NDC80: variants seen among roughly 807,000 people sequenced by gnomAD.
NDC80 encodes NDC80 kinetochore complex component, also known as kinetochore protein NDC80 homolog.
A neutral mutation model predicts 89.3 loss-of-function variants in NDC80; 69 were observed. The ratio of observed to expected loss-of-function variants is 0.77; its 90% CI spans 0.64 to 0.94. The LOEUF is 0.94. Ranked by LOEUF, NDC80 falls within the 40% of genes least tolerant of loss-of-function variation. The pLI, the probability that NDC80 is intolerant of heterozygous loss-of-function variation, is 0.00. For synonymous variants in NDC80, 243 were observed against 255.6 expected (o/e 0.95, Z 0.47); for missense variants, 593 against 739.6 (o/e 0.80, Z 2.30).
chr18:2,608,563 A>T, intron 14 of NDC80, 137 bp from the exon 15 acceptor site: 2 of 922,738 alleles, frequency 2.2e-6, no homozygotes, highest in Non-Finnish European at 3.1e-6. Context: ...TCTTGCATGT[A>T]AAACAGTAAG....
chr18:2,597,170 T>TAAA (rs1362932115), intron 11 of NDC80, among the ~76,000 whole-genome samples: 69 of 151,624 alleles, frequency 4.6e-4, no homozygotes, highest in African/African-American at 1.6e-3. Flanking sequence ...AAACTTAAAG[T>TAAA]ATAATAATAA....
At chr18:2,586,683 T>G (rs927863468) in intron 7 of NDC80, among the ~76,000 whole-genome samples, 18 of 152,068 alleles carry the variant, frequency 1.2e-4, no homozygotes, top group African/African-American at 4.1e-4. Flanking sequence ...TGGGCCAAGA[T>G]CATGTCACTG....
chr18:2,608,588 A>G, intron 14 of NDC80, 112 bp from the exon 15 acceptor site: 1 of 1,172,616 alleles, frequency 8.5e-7, no homozygotes, highest in Non-Finnish European at 1.2e-6. Context: ...TTGAGAATAC[A>G]AATGATGCAA....
chr18:2,590,727 A>G (rs1320227322), intron 10 of NDC80, among the ~76,000 whole-genome samples: 1 of 152,138 alleles, frequency 6.6e-6, no homozygotes, highest in Non-Finnish European at 1.5e-5. Flanking sequence ...AGAACTTTAT[A>G]TATTTAGGTG....
At position 2,608,667 on chromosome 18, in the gene NDC80, A is replaced by C. The variant is rs771721087; in HGVS notation, c.1558-33A>C. 12 of 1,585,946 alleles carry C rather than the reference A, an allele frequency of 7.6e-6. No homozygotes were observed. The East Asian group carries it at 2.5e-4, about 33-fold the overall frequency. Reference sequence around the variant, plus strand: ...CTAGAGTATACAGAATGTGAATATCAAGAAACCCATAACCGTGACTTTATC... The same window carrying C: ...CTAGAGTATACAGAATGTGAATATCCAGAAACCCATAACCGTGACTTTATC... On this transcript the variant is annotated intron_variant, in intron 14 of 16. Coordinates refer to ENST00000261597, the MANE Select transcript of NDC80 (RefSeq NM_006101.3).
At chr18:2,615,845 G>C (rs542805274) in intron 16 of NDC80, among the ~76,000 whole-genome samples, 1 of 151,988 alleles carries the variant, frequency 6.6e-6, no homozygotes, top group Admixed American at 6.6e-5. Context: ...TGATAAATAC[G>C]AAGGTGAAAA....
At chr18:2,575,492 G>A (rs928192119) in intron 3 of NDC80, among the ~76,000 whole-genome samples, 1 of 152,020 alleles carries the variant, frequency 6.6e-6, no homozygotes, top group Non-Finnish European at 1.5e-5. Context: ...CAGACCAGGT[G>A]CAGTGGCTCA....
chr18:2,575,309 T>G (rs1363512890), intron 3 of NDC80, among the ~76,000 whole-genome samples: 3 of 152,178 alleles, frequency 2.0e-5, no homozygotes, highest in African/African-American at 7.2e-5. Context: ...ATACCTAGCT[T>G]TCAGACACGG....
chr18:2,602,692 T>C (rs1022385720), intron 13 of NDC80, among the ~76,000 whole-genome samples: 10 of 152,156 alleles, frequency 6.6e-5, no homozygotes, highest in African/African-American at 2.4e-4. Flanking sequence ...ATGGCTACTA[T>C]AGACTAGGAC....
chr18:2,580,151 C>A (rs540587499), intron 6 of NDC80, among the ~76,000 whole-genome samples: 58 of 152,072 alleles, frequency 3.8e-4, no homozygotes, highest in African/African-American at 1.2e-3. Context: ...AAAAAATTGA[C>A]AGCTAATTTT....
chr18:2,579,010 G>A lies in NDC80; in HGVS notation c.560G>A (p.Trp187Ter). 1 of 1,566,516 alleles carries A rather than the reference G, an allele frequency of 6.4e-7. No individual in the cohort carries two copies. The highest frequency in any genetic ancestry group is 8.6e-7 in the Non-Finnish European group (1 of 1,156,158). Residue 187 changes from tryptophan (W) to a stop codon, truncating the protein, a stop_gained, in exon 6 of 17, where the codon TGG (tryptophan) becomes TAG (stop). Transcript: ENST00000261597. LOFTEE classifies it high-confidence loss of function. Reference sequence around the variant, plus strand: ...CCTCACATTGTGGCAGCCTTAGTTTGGCTAATAGACTGCATCAAGGTATTT... The same window carrying A: ...CCTCACATTGTGGCAGCCTTAGTTTAGCTAATAGACTGCATCAAGGTATTT... ...TWPHIVAALV[W>*]LIDCIKIHTA...
chr18:2,578,153 T>A lies in NDC80; in HGVS notation c.476+12T>A. 1 of 1,608,188 alleles carries A rather than the reference T, an allele frequency of 6.2e-7. No individual in the cohort carries two copies. Reference sequence around the variant, plus strand: ...TTTAAAGACCTTGGGTATGTATATTTCTTATTAGTTTAGAGACATGACTGG... The same window carrying A: ...TTTAAAGACCTTGGGTATGTATATTACTTATTAGTTTAGAGACATGACTGG... On this transcript the variant is annotated intron_variant, in intron 5 of 16. Transcript: ENST00000261597.
chr18:2,584,301 A>T (rs1055688204), intron 6 of NDC80, among the ~76,000 whole-genome samples: 2 of 151,436 alleles, frequency 1.3e-5, no homozygotes, highest in African/African-American at 4.8e-5. Context: ...AAAAAAAAAA[A>T]ATACATATTT....
intron 14 of NDC80, among the ~76,000 whole-genome samples, chr18:2,607,108 G>A (rs1026150639): frequency 6.6e-6 from 1 of 152,114 alleles, no homozygotes; most frequent in Non-Finnish European, 1.5e-5. Context: ...CAAAGTATTA[G>A]GAATTGAAAA....
intron 7 of NDC80, among the ~76,000 whole-genome samples, chr18:2,586,178 G>C (rs900699415): frequency 1.3e-5 from 2 of 152,150 alleles, no homozygotes; most frequent in African/African-American, 4.8e-5. Context: ...AATAATTTCA[G>C]TCCCATCTTT....
intron 13 of NDC80, among the ~76,000 whole-genome samples, chr18:2,602,180 T>C (rs1240024363): frequency 6.6e-6 from 1 of 152,172 alleles, no homozygotes; most frequent in Non-Finnish European, 1.5e-5. Flanking sequence ...GATTTCAAGA[T>C]ATAAAATGAA....
At chr18:2,582,433 A>G (rs2072583127) in intron 6 of NDC80, 1 of 152,172 alleles carries the variant, frequency 6.6e-6, no homozygotes, top group Non-Finnish European at 1.5e-5. Flanking sequence ...GTGTTTTGTT[A>G]CTATGATGAA....
At chr18:2,598,802 A>C (rs2072669999) in intron 11 of NDC80, among the ~76,000 whole-genome samples, 1 of 152,212 alleles carries the variant, frequency 6.6e-6, no homozygotes, top group Non-Finnish European at 1.5e-5. Context: ...TTACACACCA[A>C]TTGATAGTCT....
At chr18:2,607,836 T>A (rs2072720384) in intron 14 of NDC80, among the ~76,000 whole-genome samples, 1 of 150,886 alleles carries the variant, frequency 6.6e-6, no homozygotes, top group Admixed American at 6.6e-5. Flanking sequence ...TATATTTTTT[T>A]AATGGTACCA....
Sources: gnomAD v4.1 joint callset for allele counts (sites outside exome capture counted in the v4.1 genomes callset) on GRCh38, gnomAD v4.1.1 for gene constraint, MANE v1.5 for transcripts, NCBI Gene and HGNC (gene_info 2026-07-23, HGNC 2026-07-21) for gene names.